Variants in TBC1D5 observed in about 807,000 individuals in gnomAD.
TBC1D5 encodes the protein TBC1 domain family member 5, also known as TBC1 domain family, member 5.
A neutral mutation model predicts 100.3 loss-of-function variants in TBC1D5; 75 were observed. That is an observed-to-expected ratio of 0.75 (90% CI 0.62 to 0.91). The LOEUF (loss-of-function observed/expected upper bound fraction) is 0.91, where lower values mean the gene tolerates loss of function less well. Ranked by LOEUF, TBC1D5 falls within the 40% of genes least tolerant of loss-of-function variation. The probability of loss-of-function intolerance (pLI) is 0.00; values close to 1 mark genes in which losing one functional copy is unlikely to be tolerated. For missense variants in TBC1D5, 910 were observed against 942.4 expected, an observed-to-expected ratio of 0.97 and a Z score of 0.45; for synonymous variants, 323 against 325.6, an observed-to-expected ratio of 0.99 and a Z score of 0.09.
At chr3:17,358,698 A>C (rs1184582864) in intron 13 of TBC1D5, among the ~76,000 whole-genome samples, 1 of 152,172 alleles carries the variant, frequency 6.6e-6, no homozygotes. Flanking sequence ...ACAAATTCTA[A>C]ATTAAAATGT....
At chr3:17,391,247 G>A (rs918908081) in intron 8 of TBC1D5, among the ~76,000 whole-genome samples, 2 of 151,982 alleles carry the variant, frequency 1.3e-5, no homozygotes, top group African/African-American at 2.4e-5. Context: ...TTCTTGGATC[G>A]CTTGATCTGA....
Position 17,406,435 on chromosome 3 carries a change from G to C in TBC1D5, c.259C>G (p.Arg87Gly). ...CTTCTTACCTTCCAGCAAATGCTGC[G>C]GAACCTGCTGCTTCTCAGCTGCCCA... The change falls in exon 5 of 22, where the codon CGC (arginine) becomes GGC (glycine). Residue 87 changes from arginine to glycine, a missense_variant. Physicochemically the swap from Arg to Gly is moderately radical, Grantham distance 125. Coordinates refer to ENST00000253692, the Ensembl canonical transcript of TBC1D5. 6.2e-7 allele frequency: 1 copy of C among 1,608,164 alleles called. No individual in the cohort carries two copies. The highest frequency in any genetic ancestry group is 8.5e-7 in the Non-Finnish European group (1 of 1,177,708).
At chr3:17,712,964 G>A (rs1191071814) in intron 1 of TBC1D5, among the ~76,000 whole-genome samples, 1 of 152,084 alleles carries the variant, frequency 6.6e-6, no homozygotes, top group East Asian at 1.9e-4. Flanking sequence ...TACTTTTTAT[G>A]TTTCTCCTAT....
Position 17,353,910 on chromosome 3 carries a change from T to C in TBC1D5, c.995+18165A>G, listed in dbSNP as rs139058197. ...AATGGGTTTGTGACTGTTAACTTCA[T>C]GTTGCCTATGCTTGTTTCCCTCACA... On this transcript the variant is annotated intron_variant, in intron 13 of 21. Coordinates refer to ENST00000253692, the Ensembl canonical transcript of TBC1D5. 9.3e-3 allele frequency among the ~76,000 whole-genome samples: 1,412 copies of C among 152,234 alleles called. 54 individuals are homozygous for C. Among genetic ancestry groups the C allele is most frequent in the Admixed American group, 0.072 (1,097 of 15,276 alleles).
intron 1 of TBC1D5, among the ~76,000 whole-genome samples, chr3:17,657,760 A>G (rs1458930410): frequency 1.3e-5 from 2 of 152,156 alleles, no homozygotes; most frequent in East Asian, 3.9e-4. Flanking sequence ...CTTCCTGTAG[A>G]TTTTAAACTC....
At chr3:17,701,726 GT>G (rs1386033909) in intron 1 of TBC1D5, among the ~76,000 whole-genome samples, 1 of 152,082 alleles carries the variant, frequency 6.6e-6, no homozygotes, top group East Asian at 1.9e-4. Flanking sequence ...CAGATGGAAG[GT>G]CTGAGATGCA....
At chr3:17,706,367 A>C in intron 1 of TBC1D5, 4 of 1,170,822 alleles carry the variant, frequency 3.4e-6, no homozygotes, top group Non-Finnish European at 4.7e-6. Flanking sequence ...AAGGAAAGCT[A>C]ATCTAATAAA....
intron 2 of TBC1D5, among the ~76,000 whole-genome samples, chr3:17,532,895 G>A (rs2096245372): frequency 6.6e-6 from 1 of 151,832 alleles, no homozygotes; most frequent in African/African-American, 2.4e-5. Context: ...TAAATGAGGA[G>A]TTAATGGGTG....
At chr3:17,445,327 A>G (rs536523428) in intron 3 of TBC1D5, among the ~76,000 whole-genome samples, 9 of 152,200 alleles carry the variant, frequency 5.9e-5, no homozygotes, top group African/African-American at 2.2e-4. Flanking sequence ...TTTTTTTCTT[A>G]AAGAGGACGG....
At chr3:17,484,513 A>G (rs1318282795) in intron 3 of TBC1D5, among the ~76,000 whole-genome samples, 2 of 143,560 alleles carry the variant, frequency 1.4e-5, no homozygotes, top group Non-Finnish European at 3.0e-5. Context: ...ATAATTACTC[A>G]AAGCATCCTG....
At chr3:17,584,722 T>A (rs920310448) in intron 2 of TBC1D5, among the ~76,000 whole-genome samples, 2 of 152,222 alleles carry the variant, frequency 1.3e-5, no homozygotes, top group Non-Finnish European at 2.9e-5. Context: ...AGTGGCACGA[T>A]CTCGGCTCAC....
At chr3:17,529,850 A>G (rs1180555253) in intron 2 of TBC1D5, among the ~76,000 whole-genome samples, 1 of 152,162 alleles carries the variant, frequency 6.6e-6, no homozygotes, top group Non-Finnish European at 1.5e-5. Flanking sequence ...TGGACGGAGC[A>G]CATCAGGATG....
At chr3:17,418,282 C>A (rs2094131535) in intron 4 of TBC1D5, among the ~76,000 whole-genome samples, 2 of 151,684 alleles carry the variant, frequency 1.3e-5, no homozygotes, top group South Asian at 4.2e-4. Context: ...GATTTTTAAC[C>A]CTCAGTTAAA....
exon 22 of TBC1D5, chr3:17,161,256 C>T: frequency 6.2e-7 from 1 of 1,608,008 alleles, no homozygotes; most frequent in Non-Finnish European, 8.5e-7. Context: ...TCTGAAGAGG[C>T]CTGTGAAGTA....
intron 8 of TBC1D5, among the ~76,000 whole-genome samples, chr3:17,389,053 ATC>A (rs1388309072): frequency 6.6e-6 from 1 of 152,178 alleles, no homozygotes; most frequent in Admixed American, 6.6e-5. Context: ...TGTTGATATT[ATC>A]TCTTAAGATT....
intron 3 of TBC1D5, among the ~76,000 whole-genome samples, chr3:17,489,149 T>A (rs1055830859): frequency 2.6e-5 from 4 of 151,888 alleles, no homozygotes; most frequent in African/African-American, 9.7e-5. Context: ...GTGCAATGAG[T>A]ATCAAATAAG....
At chr3:17,508,911 C>T (rs985547299) in intron 2 of TBC1D5, among the ~76,000 whole-genome samples, 1 of 152,096 alleles carries the variant, frequency 6.6e-6, no homozygotes, top group African/African-American at 2.4e-5. Flanking sequence ...ACATTTATAG[C>T]ATCCTTTTGT....
At chr3:17,639,001 T>A (rs1005304322) in intron 1 of TBC1D5, among the ~76,000 whole-genome samples, 1 of 152,104 alleles carries the variant, frequency 6.6e-6, no homozygotes, top group African/African-American at 2.4e-5. Flanking sequence ...GACATACCAA[T>A]CCCACTCTTA....
intron 18 of TBC1D5, among the ~76,000 whole-genome samples, chr3:17,191,969 C>T (rs1285441339): frequency 1.3e-5 from 2 of 152,060 alleles, no homozygotes; most frequent in East Asian, 3.9e-4. Flanking sequence ...TTAAGAACGA[C>T]ATATCACATA....
Sources: allele counts gnomAD v4.1 joint callset (sites outside exome capture counted in the v4.1 genomes callset), GRCh38; gene constraint gnomAD v4.1.1; transcripts MANE v1.5; gene names NCBI Gene and HGNC (gene_info 2026-07-23, HGNC 2026-07-21).